Variants in DLG2 observed in about 807,000 individuals in gnomAD.
The protein encoded by DLG2 is disks large homolog 2.
Under a neutral mutation model 132.5 loss-of-function variants are expected in DLG2, and 45 were observed. The ratio of observed to expected loss-of-function variants is 0.34; its 90% CI spans 0.27 to 0.44. DLG2 has a LOEUF of 0.44. DLG2 is among the 20% of genes least tolerant of loss of function. The pLI, the probability that DLG2 is intolerant of heterozygous loss-of-function variation, is 1.00. For missense variants in DLG2, 1,045 were observed against 1,196.9 expected, an observed-to-expected ratio of 0.87 and a Z score of 1.87; for synonymous variants, 424 against 419.6, an observed-to-expected ratio of 1.01 and a Z score of -0.13.
At chr11:83,688,803 A>G (rs909988700) in intron 18 of DLG2, among the ~76,000 whole-genome samples, 3 of 152,152 alleles carry the variant, frequency 2.0e-5, no homozygotes, top group African/African-American at 7.2e-5. Context: ...TTTATCTATT[A>G]TCTGGTCCCC....
intron 2 of DLG2, among the ~76,000 whole-genome samples, chr11:85,617,307 T>C (rs908679409): frequency 6.6e-6 from 1 of 152,226 alleles, no homozygotes; most frequent in Non-Finnish European, 1.5e-5. Context: ...AATAATGATC[T>C]GAAACAGCCT....
At chr11:85,561,015 GAGTAAC>G (rs1392163895) in intron 3 of DLG2, among the ~76,000 whole-genome samples, 1 of 150,710 alleles carries the variant, frequency 6.6e-6, no homozygotes, top group Non-Finnish European at 1.5e-5. Context: ...CTGGATGGCA[GAGTAAC>G]AACATCCTAT....
chr11:85,045,424 CA>C (rs1450450818), intron 6 of DLG2, among the ~76,000 whole-genome samples: 1 of 151,940 alleles, frequency 6.6e-6, no homozygotes, highest in African/African-American at 2.4e-5. Flanking sequence ...TGGGAATATG[CA>C]AAAGTGAAAA....
intron 21 of DLG2, among the ~76,000 whole-genome samples, chr11:83,499,849 GGAGA>G (rs1565491428): frequency 5.1e-5 from 3 of 59,302 alleles, no homozygotes; most frequent in East Asian, 6.2e-4. Context: ...TCCACTAATA[GGAGA>G]TATATATATA....
chr11:85,450,762 T>C (rs1029234679), intron 3 of DLG2, among the ~76,000 whole-genome samples: 1 of 152,190 alleles, frequency 6.6e-6, no homozygotes, highest in Non-Finnish European at 1.5e-5. Flanking sequence ...TCTCAATTTA[T>C]TTGGCCTCTC....
chr11:85,074,992 C>T (rs1435793403), intron 6 of DLG2, among the ~76,000 whole-genome samples: 1 of 151,700 alleles, frequency 6.6e-6, no homozygotes, highest in East Asian at 1.9e-4. Context: ...TAAATTAGAA[C>T]TAAAAGGGGA....
At chr11:85,393,357 C>A (rs1444709934) in intron 3 of DLG2, among the ~76,000 whole-genome samples, 2 of 152,098 alleles carry the variant, frequency 1.3e-5, no homozygotes, top group East Asian at 1.9e-4. Context: ...AAAAGGAACA[C>A]TTTTACACTG....
At chr11:83,514,414 T>A (rs917667549) in intron 21 of DLG2, among the ~76,000 whole-genome samples, 32 of 152,224 alleles carry the variant, frequency 2.1e-4, no homozygotes, top group Non-Finnish European at 4.3e-4. Flanking sequence ...GCTTATGAGC[T>A]TAAGGAGATT....
chr11:85,158,505 G>A lies in DLG2; in HGVS notation c.187-3854C>T, dbSNP rs559520354. On this transcript the variant is annotated intron_variant, in intron 4 of 27. Transcript: ENST00000376104. ...CTCATCCCAGCTGGGAGGTCCAGAC[G>A]ATACATTCTTGACCAATGCCTTACA... 7.9e-5 allele frequency among the ~76,000 whole-genome samples: 12 copies of A among 152,188 alleles called. No homozygotes were observed. In the South Asian group the frequency reaches 2.1e-3, roughly 26 times the overall value.
chr11:84,100,836 T>C (rs533281455), intron 9 of DLG2, among the ~76,000 whole-genome samples: 1 of 152,122 alleles, frequency 6.6e-6, no homozygotes, highest in Non-Finnish European at 1.5e-5. Flanking sequence ...GTCAAGGTAA[T>C]GTTTAGCAAT....
intron 14 of DLG2, among the ~76,000 whole-genome samples, chr11:83,941,728 T>C (rs75731743): frequency 0.026 from 4,017 of 152,300 alleles, 154 homozygotes; most frequent in African/African-American, 0.076. Flanking sequence ...ATGTGCTTAA[T>C]TTTGTATTTT....
intron 8 of DLG2, 64 bp downstream of exon 8, chr11:84,251,174 T>G (rs2097366973): frequency 9.8e-7 from 1 of 1,022,066 alleles, no homozygotes; most frequent in African/African-American, 1.7e-5. Context: ...GAATTGAATT[T>G]AAATTCAGCC....
At chr11:84,831,287 G>C (rs1050874483) in intron 6 of DLG2, among the ~76,000 whole-genome samples, 1 of 151,422 alleles carries the variant, frequency 6.6e-6, no homozygotes, top group African/African-American at 2.4e-5. Context: ...TCTATTTTAC[G>C]TTGTTTCTAT....
At chr11:83,692,906 T>A (rs1184759232) in intron 18 of DLG2, 3 of 152,096 alleles carry the variant, frequency 2.0e-5, no homozygotes, top group African/African-American at 4.8e-5. Flanking sequence ...TCACAAGCCT[T>A]CATGTTATTT....
chr11:84,871,295 A>T (rs1273719433), intron 6 of DLG2, among the ~76,000 whole-genome samples: 1 of 152,178 alleles, frequency 6.6e-6, no homozygotes, highest in Non-Finnish European at 1.5e-5. Flanking sequence ...ACCACAAGTG[A>T]TTCTGATGCT....
chr11:85,256,973 T>C (rs1055603529), intron 4 of DLG2, among the ~76,000 whole-genome samples: 1 of 152,186 alleles, frequency 6.6e-6, no homozygotes, highest in African/African-American at 2.4e-5. Flanking sequence ...GGTAATTAAA[T>C]AGATTTTTAA....
intron 7 of DLG2, among the ~76,000 whole-genome samples, chr11:84,395,661 T>A (rs2098808430): frequency 6.6e-6 from 1 of 152,338 alleles, no homozygotes; most frequent in East Asian, 1.9e-4. Flanking sequence ...TGCTTAACTA[T>A]CTTGTTAGTT....
chr11:84,075,910 T>G (rs1349855007), intron 10 of DLG2, among the ~76,000 whole-genome samples: 1 of 152,180 alleles, frequency 6.6e-6, no homozygotes, highest in Non-Finnish European at 1.5e-5. Context: ...GACTTAATGG[T>G]TGAACTGGTA....
chr11:85,614,559 G>C (rs139601071), intron 2 of DLG2, among the ~76,000 whole-genome samples: 2,224 of 152,284 alleles, frequency 0.015, 50 homozygotes, highest in African/African-American at 0.051. Flanking sequence ...AGAACAGCTT[G>C]AACTTGGGAG....
Sources: gnomAD v4.1 joint callset for allele counts (sites outside exome capture counted in the v4.1 genomes callset) on GRCh38, gnomAD v4.1.1 for gene constraint, MANE v1.5 for transcripts, NCBI Gene and HGNC (gene_info 2026-07-23, HGNC 2026-07-21) for gene names.